SGCD: variants seen among roughly 807,000 people sequenced by gnomAD.
SGCD encodes the protein delta-sarcoglycan.
A neutral mutation model predicts 36.6 loss-of-function variants in SGCD; 18 were observed. That is an observed-to-expected ratio of 0.49 (90% CI 0.34 to 0.73). SGCD has a LOEUF of 0.73. Ranked by LOEUF, SGCD falls within the 30% of genes least tolerant of loss-of-function variation. The pLI, the probability that SGCD is intolerant of heterozygous loss-of-function variation, is 0.01. For missense variants in SGCD, 387 were observed against 346.7 expected, an observed-to-expected ratio of 1.12 and a Z score of -0.92; for synonymous variants, 133 against 130.6, an observed-to-expected ratio of 1.02 and a Z score of -0.12.
intron 3 of SGCD, among the ~76,000 whole-genome samples, chr5:156,492,578 A>T (rs1217067827): frequency 6.6e-6 from 1 of 152,134 alleles, no homozygotes; most frequent in Non-Finnish European, 1.5e-5. Context: ...TTTAAAAATT[A>T]TTATACTTTA....
intron 3 of SGCD, among the ~76,000 whole-genome samples, chr5:156,287,743 T>G (rs1016299976): frequency 2.0e-5 from 3 of 151,818 alleles, no homozygotes; most frequent in Non-Finnish European, 4.4e-5. Flanking sequence ...GTTTTAAAGC[T>G]TAGAGATAGG....
At chr5:155,861,763 C>G in the SGCD span, among the ~76,000 whole-genome samples, 1 of 152,138 alleles carries the variant, frequency 6.6e-6, no homozygotes, top group Non-Finnish European at 1.5e-5. Context: ...TGCCCATCCT[C>G]TCTATCTGTG....
chr5:156,148,953 G>A (rs990687245), intron 3 of SGCD, among the ~76,000 whole-genome samples: 7 of 152,336 alleles, frequency 4.6e-5, no homozygotes, highest in African/African-American at 1.7e-4. Flanking sequence ...GTCTGAGAAA[G>A]ACTTTGGGGT....
At chr5:155,996,544 G>A (rs1303981358) in intron 1 of SGCD, among the ~76,000 whole-genome samples, 1 of 152,134 alleles carries the variant, frequency 6.6e-6, no homozygotes, top group East Asian at 1.9e-4. Flanking sequence ...TTGGGAGGCC[G>A]AGGCGGGGGG....
chr5:156,069,407 C>T (rs1254690776), intron 1 of SGCD, among the ~76,000 whole-genome samples: 1 of 152,074 alleles, frequency 6.6e-6, no homozygotes, highest in Non-Finnish European at 1.5e-5. Context: ...TTGTTTTTCT[C>T]AGGTTTGTCG....
intron 1 of SGCD, among the ~76,000 whole-genome samples, chr5:156,112,078 T>C (rs1761802480): frequency 6.6e-6 from 1 of 152,168 alleles, no homozygotes; most frequent in African/African-American, 2.4e-5. Flanking sequence ...TTTGTAAGCC[T>C]TCTTATGTGA....
chr5:156,674,988 G>T (rs1001665744), intron 7 of SGCD, among the ~76,000 whole-genome samples: 3 of 152,118 alleles, frequency 2.0e-5, no homozygotes, highest in African/African-American at 7.2e-5. Context: ...TTGCCATAAT[G>T]AAAAGTATAT....
At position 156,363,441 on chromosome 5, in the gene SGCD, A is replaced by C. The variant is rs550285026; in HGVS notation, c.192+18764A>C. 3.3e-5 allele frequency among the ~76,000 whole-genome samples: 5 copies of C among 152,300 alleles called. No individual in the cohort carries two copies. In the East Asian group the frequency reaches 9.7e-4, roughly 29 times the overall value. ...AAGCAGAAAAATAATTTAAAATATG[A>C]TTTTGGTATGCTCTCCTAAGTTTAT... On this transcript the variant is annotated intron_variant, in intron 3 of 8. Coordinates refer to ENST00000337851, the MANE Select transcript of SGCD (RefSeq NM_000337.6).
chr5:156,370,790 G>C lies in SGCD; in HGVS notation c.192+26113G>C, dbSNP rs182471409. Among the ~76,000 whole-genome samples the C allele has an allele frequency of 4.6e-4, 69 of 151,440 alleles. No individual in the cohort carries two copies. The East Asian group carries it at 8.9e-3, about 20-fold the overall frequency. On this transcript the variant is annotated intron_variant, in intron 3 of 8. Coordinates refer to ENST00000337851, the MANE Select transcript of SGCD (RefSeq NM_000337.6). ...ATTAATAGGAGCAAAAAAACAAAAAGTAGAGGGGAGATTTTGAGGACAAAC... is the reference window on the plus strand; with the variant it reads ...ATTAATAGGAGCAAAAAAACAAAAACTAGAGGGGAGATTTTGAGGACAAAC...
At chr5:156,639,569 T>C (rs1456523944) in intron 6 of SGCD, among the ~76,000 whole-genome samples, 1 of 152,216 alleles carries the variant, frequency 6.6e-6, no homozygotes, top group Non-Finnish European at 1.5e-5. Flanking sequence ...GTATTTCTCT[T>C]GTCAAAAGGT....
intron 2 of SGCD, among the ~76,000 whole-genome samples, chr5:156,121,828 T>C (rs1198363592): frequency 6.6e-6 from 1 of 152,078 alleles, no homozygotes; most frequent in East Asian, 1.9e-4. Flanking sequence ...GTTGAGGGAA[T>C]GACAAGAAAT....
chr5:156,687,125 C>A (rs1221344318), intron 7 of SGCD, among the ~76,000 whole-genome samples: 1 of 152,150 alleles, frequency 6.6e-6, no homozygotes, highest in Non-Finnish European at 1.5e-5. Context: ...TAGAAATACA[C>A]CACTGTGACA....
intron 3 of SGCD, among the ~76,000 whole-genome samples, chr5:156,277,274 T>C (rs904575590): frequency 1.3e-5 from 2 of 152,174 alleles, no homozygotes; most frequent in African/African-American, 2.4e-5. Flanking sequence ...TTCCCCTGCC[T>C]CTTCCTTTCC....
intron 3 of SGCD, among the ~76,000 whole-genome samples, chr5:156,232,827 G>T (rs551197611): frequency 1.3e-4 from 20 of 152,260 alleles, no homozygotes; most frequent in African/African-American, 4.3e-4. Flanking sequence ...TAGAGTTCCT[G>T]CTGTACATTC....
chr5:156,506,353 TCACACACACACACAGA>T (rs1263158815), intron 3 of SGCD, among the ~76,000 whole-genome samples: 1 of 150,532 alleles, frequency 6.6e-6, no homozygotes, highest in Non-Finnish European at 1.5e-5. Context: ...AAACACACAC[TCACACACACACACAGA>T]CACACACACA....
chr5:156,666,748 G>A (rs1361314091), intron 7 of SGCD, among the ~76,000 whole-genome samples: 1 of 151,852 alleles, frequency 6.6e-6, no homozygotes, highest in Non-Finnish European at 1.5e-5. Context: ...AGAGCACGGG[G>A]TTGGGGGTAA....
At chr5:155,957,244 G>T (rs1757682325) in intron 1 of SGCD, among the ~76,000 whole-genome samples, 1 of 152,066 alleles carries the variant, frequency 6.6e-6, no homozygotes, top group Non-Finnish European at 1.5e-5. Context: ...GCGCTGCTCA[G>T]ATCCCCCTTC....
At chr5:156,205,977 G>A (rs1275143788) in intron 3 of SGCD, among the ~76,000 whole-genome samples, 3 of 140,420 alleles carry the variant, frequency 2.1e-5, no homozygotes, top group East Asian at 2.6e-4. Context: ...ATATGTGTGT[G>A]TATATATATA....
chr5:156,026,906 G>T (rs1369140257), intron 1 of SGCD, among the ~76,000 whole-genome samples: 1 of 152,082 alleles, frequency 6.6e-6, no homozygotes. Flanking sequence ...CTCTGTCATT[G>T]TAGTACAAAA....
Sources: allele counts gnomAD v4.1 joint callset (sites outside exome capture counted in the v4.1 genomes callset), GRCh38; gene constraint gnomAD v4.1.1; transcripts MANE v1.5; gene names NCBI Gene and HGNC (gene_info 2026-07-23, HGNC 2026-07-21).